The following RARB variants were observed in gnomAD, a reference collection of about 807,000 sequenced individuals.
RARB encodes retinoic acid receptor beta, also known as HBV-activated protein.
RARB carries 17 observed loss-of-function variants against 51.9 expected under a neutral mutation model. That is an observed-to-expected ratio of 0.33 (90% CI 0.22 to 0.49). The LOEUF (loss-of-function observed/expected upper bound fraction) is 0.49, where lower values mean the gene tolerates loss of function less well. Ranked by LOEUF, RARB falls within the 20% of genes least tolerant of loss-of-function variation. RARB has a pLI of 0.99. For synonymous variants in RARB, 215 were observed against 195.4 expected, an observed-to-expected ratio of 1.10 and a Z score of -0.84; for missense variants, 369 against 550.8, an observed-to-expected ratio of 0.67 and a Z score of 3.30.
At chr3:25,589,718 G>T (rs1033988631) in intron 5 of RARB, among the ~76,000 whole-genome samples, 1 of 152,170 alleles carries the variant, frequency 6.6e-6, no homozygotes, top group African/African-American at 2.4e-5. Flanking sequence ...AGAAGAGAAG[G>T]CTCTTTTTGC....
chr3:25,449,619 T>C (rs961474194), intron 1 of RARB, among the ~76,000 whole-genome samples: 2 of 152,142 alleles, frequency 1.3e-5, no homozygotes, highest in African/African-American at 4.8e-5. Context: ...CTTAAGACCA[T>C]TTAAGTTCAA....
chr3:25,017,541 A>G (rs1387401790), intron 2 of RARB, among the ~76,000 whole-genome samples: 1 of 152,176 alleles, frequency 6.6e-6, no homozygotes, highest in Non-Finnish European at 1.5e-5. Context: ...AGTACACCTA[A>G]TAACTATCTT....
At chr3:25,356,792 G>A (rs987224090) in intron 5 of RARB, among the ~76,000 whole-genome samples, 2 of 152,092 alleles carry the variant, frequency 1.3e-5, no homozygotes, top group Non-Finnish European at 2.9e-5. Context: ...GTGTTAGTTT[G>A]CTGAGAATGA....
rs544348612 is a variant in RARB, at chr3:24,908,899, C to A, written c.-380+50147C>A. Among the ~76,000 whole-genome samples the A allele has an allele frequency of 6.6e-5, 10 of 152,200 alleles. No homozygotes were observed. In the East Asian group the frequency reaches 1.9e-3, roughly 29 times the overall value. ...ACCCACATTCTCTGCTTTCCCACAT[C>A]CTTCAGCTATCCATATTCAACTCCC... is the stretch of plus-strand genomic sequence containing the variant. On this transcript the variant is annotated intron_variant, in intron 2 of 11. Coordinates refer to the RARB transcript ENST00000383772.
chr3:25,021,084 T>C (rs904859456), intron 2 of RARB, among the ~76,000 whole-genome samples: 8 of 152,232 alleles, frequency 5.3e-5, no homozygotes, highest in Admixed American at 3.3e-4. Context: ...AATTATTAGA[T>C]TATGAAAATG....
chr3:25,523,488 C>T (rs1698496420), intron 3 of RARB, among the ~76,000 whole-genome samples: 1 of 152,198 alleles, frequency 6.6e-6, no homozygotes, highest in Admixed American at 6.5e-5. Flanking sequence ...GATTTGGCAA[C>T]ATCAATGGCT....
intron 2 of RARB, chr3:25,025,225 C>T (rs1697722987): frequency 2.6e-5 from 4 of 152,140 alleles, no homozygotes; most frequent in Admixed American, 2.6e-4. Context: ...ATAGCACTTC[C>T]AAGATGAACT....
At chr3:25,065,896 T>C (rs973208753) in intron 3 of RARB, among the ~76,000 whole-genome samples, 1 of 152,224 alleles carries the variant, frequency 6.6e-6, no homozygotes, top group Non-Finnish European at 1.5e-5. Flanking sequence ...CTTTTGTGGT[T>C]GTTCTGTAGA....
intron 5 of RARB, among the ~76,000 whole-genome samples, chr3:25,262,725 A>G (rs1363028896): frequency 6.6e-6 from 1 of 152,172 alleles, no homozygotes; most frequent in Non-Finnish European, 1.5e-5. Context: ...GAATCTTCCT[A>G]TCTTAAGGTC....
At chr3:25,099,741 C>T (rs1699363920) in intron 3 of RARB, among the ~76,000 whole-genome samples, 1 of 152,070 alleles carries the variant, frequency 6.6e-6, no homozygotes, top group East Asian at 1.9e-4. Flanking sequence ...CCTTTGCTGT[C>T]CTTTTTCGGT....
In RARB at chr3:25,383,703, G is replaced by A. The variant is rs193100912; in HGVS notation, c.179-77490G>A. 4.6e-5 allele frequency among the ~76,000 whole-genome samples: 7 copies of A among 152,236 alleles called. No individual in the cohort carries two copies. The East Asian group carries it at 7.7e-4, about 17-fold the overall frequency. Reference sequence around the variant, plus strand: ...AGCACTTTGGGAGGCCGAGGCGAGCGGATCATCTGAGGTCAGGAGTTCACG... The same window carrying A: ...AGCACTTTGGGAGGCCGAGGCGAGCAGATCATCTGAGGTCAGGAGTTCACG... On this transcript the variant is annotated intron_variant, in intron 5 of 11. Transcript: ENST00000383772.
chr3:25,365,582 T>C (rs1706093473), intron 5 of RARB, among the ~76,000 whole-genome samples: 1 of 152,112 alleles, frequency 6.6e-6, no homozygotes. Context: ...ATGGCTTATC[T>C]CTGCTCCACA....
chr3:25,030,596 A>G (rs896273475), intron 2 of RARB, among the ~76,000 whole-genome samples: 2 of 152,222 alleles, frequency 1.3e-5, no homozygotes, highest in Admixed American at 6.5e-5. Flanking sequence ...CTTTAAATTA[A>G]TAAGTTGGGG....
intron 5 of RARB, among the ~76,000 whole-genome samples, chr3:25,364,832 T>C (rs1490513387): frequency 6.6e-6 from 1 of 152,192 alleles, no homozygotes. Flanking sequence ...ACGGGTAAAA[T>C]TTCTGAAAGA....
Position 24,911,045 on chromosome 3 carries a change from A to G in RARB, c.-380+52293A>G, listed in dbSNP as rs75951572. Among the ~76,000 whole-genome samples, 314 of 152,354 alleles carry G rather than the reference A, an allele frequency of 2.1e-3. 8 individuals carry two copies. The East Asian group carries it at 0.039, about 19-fold the overall frequency. Reference sequence around the variant, plus strand: ...TCTTCGGCAAGCTGTGATAAATGTTATGACTTCATATTTTATTTTATGACA... The same window carrying G: ...TCTTCGGCAAGCTGTGATAAATGTTGTGACTTCATATTTTATTTTATGACA... On this transcript the variant is annotated intron_variant, in intron 2 of 11. Coordinates refer to the RARB transcript ENST00000383772.
At chr3:24,972,835 A>G (rs940232151) in intron 2 of RARB, among the ~76,000 whole-genome samples, 1 of 151,818 alleles carries the variant, frequency 6.6e-6, no homozygotes, top group Non-Finnish European at 1.5e-5. Context: ...TTTTAAATCA[A>G]GTTTATTTGC....
At chr3:24,885,156 G>T (rs1446392734) in intron 2 of RARB, among the ~76,000 whole-genome samples, 1 of 152,108 alleles carries the variant, frequency 6.6e-6, no homozygotes, top group African/African-American at 2.4e-5. Flanking sequence ...TGACATTAAT[G>T]ATTAGCTTGG....
chr3:25,503,278 C>T (rs752501346), intron 3 of RARB, among the ~76,000 whole-genome samples: 13 of 152,188 alleles, frequency 8.5e-5, no homozygotes, highest in Non-Finnish European at 1.3e-4. Flanking sequence ...GTGAGATTCA[C>T]GGGATGATCA....
upstream of RARB, among the ~76,000 whole-genome samples, chr3:25,423,510 AC>A (rs955252341): frequency 1.3e-5 from 2 of 152,066 alleles, no homozygotes; most frequent in South Asian, 4.1e-4. Flanking sequence ...AACAAACAGC[AC>A]CCCCCCACAC....
Sources: allele counts gnomAD v4.1 joint callset (sites outside exome capture counted in the v4.1 genomes callset), GRCh38; gene constraint gnomAD v4.1.1; transcripts MANE v1.5; gene names NCBI Gene and HGNC (gene_info 2026-07-23, HGNC 2026-07-21).